The following HEG1 variants were observed in gnomAD, a reference collection of about 807,000 sequenced individuals.
HEG1 encodes the protein protein HEG homolog 1.
In HEG1, 56 loss-of-function variants were observed where a neutral mutation model predicts 125.6. The observed-to-expected ratio is 0.45, with a 90% CI of 0.36 to 0.56. The LOEUF is 0.56. HEG1 is among the 20% of genes least tolerant of loss of function. The probability of loss-of-function intolerance (pLI) is 0.00; values close to 1 mark genes in which losing one functional copy is unlikely to be tolerated. For missense variants in HEG1, 1,523 were observed against 1,670.0 expected (o/e 0.91, Z 1.53); for synonymous variants, 644 against 668.5 (o/e 0.96, Z 0.57).
intron 2 of HEG1, 147 bp downstream of exon 2, chr3:125,029,048 G>T: frequency 1.4e-6 from 1 of 724,928 alleles, no homozygotes; most frequent in Non-Finnish European, 2.2e-6. Context: ...ATACATATGA[G>T]GCCTAAGTCA....
chr3:125,038,401 T>C (rs1198523342), intron 1 of HEG1, among the ~76,000 whole-genome samples: 1 of 152,164 alleles, frequency 6.6e-6, no homozygotes. Flanking sequence ...CTGTCCCCTA[T>C]TGAACTCCGG....
At chr3:125,043,227 G>A (rs1260086090) in intron 1 of HEG1, among the ~76,000 whole-genome samples, 4 of 152,200 alleles carry the variant, frequency 2.6e-5, no homozygotes, top group Non-Finnish European at 5.9e-5. Flanking sequence ...GGTGACAGAC[G>A]TCTGCTGGAC....
chr3:125,055,704 CGCGCTCCGGGCG>C lies in HEG1; in HGVS notation c.175_186del (p.Arg59_Arg62del). On this transcript the variant is annotated inframe_deletion, in exon 1 of 17. Transcript: ENST00000311127. ...TCCCGGGGCGGCGTGGGCGGCGGCTCGCGCTCCGGGCGGCGCTCCAGCTGCAGCTCCAGCCCC... is the reference window on the plus strand; with the variant it reads ...TCCCGGGGCGGCGTGGGCGGCGGCTCGCGCTCCAGCTGCAGCTCCAGCCCC... 4.6e-6 allele frequency: 5 copies of C among 1,085,160 alleles called. No individual in the cohort carries two copies. The highest frequency in any genetic ancestry group is 5.6e-6 in the Non-Finnish European group (5 of 895,928). The allele number at this position is 1,085,160 out of a possible 1,614,324, so 67.2% of individuals were successfully genotyped here.
chr3:125,053,555 TG>T (rs987872022), intron 1 of HEG1, among the ~76,000 whole-genome samples: 2 of 152,182 alleles, frequency 1.3e-5, no homozygotes, highest in East Asian at 3.8e-4. Flanking sequence ...AGGCACTCCT[TG>T]GGTGGTGTCT....
intron 1 of HEG1, among the ~76,000 whole-genome samples, chr3:125,052,885 T>A (rs1048902772): frequency 2.0e-5 from 3 of 152,216 alleles, no homozygotes; most frequent in Non-Finnish European, 4.4e-5. Flanking sequence ...AGTGAGAAGT[T>A]GAACTCTGCC....
At chr3:125,009,550 T>C (rs6438867) in intron 8 of HEG1, 155 bp downstream of exon 8, 434,517 of 640,070 alleles carry the variant, frequency 0.68, 148,150 homozygotes, top group Middle Eastern at 0.74. Flanking sequence ...CTCCAAGTAT[T>C]AGAATAATGG....
intron 11 of HEG1, among the ~76,000 whole-genome samples, chr3:125,001,380 G>A (rs1040023798): frequency 6.6e-6 from 1 of 152,050 alleles, no homozygotes; most frequent in African/African-American, 2.4e-5. Context: ...CGAACTCCTG[G>A]GCTTAAGGGT....
In HEG1 at chr3:124,997,697, G is replaced by C. The variant is rs201231742; in HGVS notation, c.3644C>G (p.Ser1215Cys). 1 of 1,579,610 alleles carries C rather than the reference G, an allele frequency of 6.3e-7. No individual in the cohort carries two copies. Among genetic ancestry groups the C allele is most frequent in the African/African-American group, 1.3e-5 (1 of 74,360 alleles). Residue 1215 changes from serine (S) to cysteine (C), a missense_variant, in exon 12 of 17, where the codon TCC becomes TGC. Ser to Cys is a moderately radical substitution (Grantham distance 112). Coordinates refer to ENST00000311127, the MANE Select transcript of HEG1 (RefSeq NM_020733.2). ...GGCGAAGCTGTGGCTACCTCGGCAG[G>C]AGTGGTCCATCTTGTTGAACTGAAA... ...GYFQFNKMDH[S>C]CRACEDGYRL... is the part of the protein sequence containing the mutation.
At chr3:125,022,207 A>G (rs1485842759) in intron 3 of HEG1, among the ~76,000 whole-genome samples, 1 of 152,178 alleles carries the variant, frequency 6.6e-6, no homozygotes, top group African/African-American at 2.4e-5. Context: ...ACAAAAAGAG[A>G]GTGTTTTTCT....
At chr3:124,978,028 C>T (rs1936577312) in intron 14 of HEG1, 82 bp from the exon 15 acceptor site, 8 of 1,039,796 alleles carry the variant, frequency 7.7e-6, no homozygotes, top group Non-Finnish European at 1.4e-6. Context: ...TCTCCCCTGA[C>T]TCTACAGTCA....
chr3:125,002,996 T>C (rs1255055643), intron 9 of HEG1, among the ~76,000 whole-genome samples: 3 of 152,148 alleles, frequency 2.0e-5, no homozygotes, highest in African/African-American at 7.2e-5. Context: ...CTGGGCCCAG[T>C]GCAGATCCAC....
intron 1 of HEG1, among the ~76,000 whole-genome samples, chr3:125,033,019 C>T (rs1012462871): frequency 6.6e-6 from 1 of 152,192 alleles, no homozygotes; most frequent in Non-Finnish European, 1.5e-5. Context: ...CCTGCGCTCT[C>T]TTCCTAGAGG....
intron 12 of HEG1, among the ~76,000 whole-genome samples, chr3:124,991,769 G>A (rs1441618128): frequency 6.6e-6 from 1 of 152,150 alleles, no homozygotes; most frequent in African/African-American, 2.4e-5. Context: ...CCGCCACAAA[G>A]CCTGGCTAAT....
chr3:124,978,094 T>G, intron 14 of HEG1, 148 bp from the exon 15 acceptor site: 1 of 586,990 alleles, frequency 1.7e-6, no homozygotes, highest in East Asian at 2.9e-5. Context: ...TGGCAAGGGA[T>G]CCTCAATGGC....
In HEG1 at chr3:125,019,439, C is replaced by T. The variant is rs200937422; in HGVS notation, c.1411G>A (p.Gly471Arg). The T allele has an allele frequency of 7.8e-4, 1,253 of 1,613,894 alleles. 2 individuals carry two copies. The highest frequency in any genetic ancestry group is 9.9e-4 in the Non-Finnish European group (1,173 of 1,179,900). The part of the protein sequence containing the change: ...TNSTTSADVT[G>R]SSASYPEGVN... ...CCTTCAGGATATGAAGCAGAGCTTC[C>T]TGTCACATCTGCAGATGTTGTGCTG... The change falls in exon 5 of 17, where the codon GGA becomes AGA. Residue 471 changes from glycine (G) to arginine (R), a missense_variant. Physicochemically the swap from Gly to Arg is moderately radical, Grantham distance 125. Transcript: ENST00000311127.
intron 1 of HEG1, among the ~76,000 whole-genome samples, chr3:125,051,721 A>C (rs1211660804): frequency 6.6e-6 from 1 of 152,260 alleles, no homozygotes; most frequent in African/African-American, 2.4e-5. Context: ...CCTCCCATTC[A>C]TACAAAAAGG....
intron 15 of HEG1, among the ~76,000 whole-genome samples, chr3:124,977,541 C>T: frequency 6.6e-6 from 1 of 152,174 alleles, no homozygotes; most frequent in South Asian, 2.1e-4. Flanking sequence ...GTTGTCTTTT[C>T]ACTTTCTTGA....
intron 1 of HEG1, among the ~76,000 whole-genome samples, chr3:125,051,974 C>A (rs959864701): frequency 6.6e-6 from 1 of 152,186 alleles, no homozygotes. Context: ...GCAGCAAATA[C>A]CTTTCAGTCT....
In HEG1 at chr3:125,013,740, G is replaced by A. The variant is rs1167785208; in HGVS notation, c.1839C>T (p.Ser613=). Residue 613 remains serine, a synonymous_variant, in exon 6 of 17, where the codon TCC becomes TCT. Transcript: ENST00000311127. The stretch of plus-strand genomic sequence containing the variant: ...AAGGCTGAGCATATTCCCCGTCATA[G>A]GATGAGATGTTACTTCTCTCAGTCT... ...HAQTERSNIS[S]YDGEYAQPST... 6.2e-7 allele frequency: 1 copy of A among 1,614,046 alleles called. No individual in the cohort carries two copies. The highest frequency in any genetic ancestry group is 8.5e-7 in the Non-Finnish European group (1 of 1,179,900).
Sources: gnomAD v4.1 joint callset for allele counts (sites outside exome capture counted in the v4.1 genomes callset) on GRCh38, gnomAD v4.1.1 for gene constraint, MANE v1.5 for transcripts, NCBI Gene and HGNC (gene_info 2026-07-23, HGNC 2026-07-21) for gene names.